Variants in ABI2 observed in about 807,000 individuals in gnomAD.
ABI2 encodes abelson interactor 2.
In ABI2, 25 loss-of-function variants were observed where a neutral mutation model predicts 59.2. The ratio of observed to expected loss-of-function variants is 0.42; its 90% CI spans 0.31 to 0.59. The LOEUF (loss-of-function observed/expected upper bound fraction) is 0.59. ABI2 is among the 20% of genes least tolerant of loss of function. The probability of loss-of-function intolerance (pLI) is 0.14; values close to 1 mark genes in which losing one functional copy is unlikely to be tolerated. For synonymous variants in ABI2, 213 were observed against 235.5 expected (o/e 0.90, Z 0.87); for missense variants, 545 against 681.8 (o/e 0.80, Z 2.23).
intron 1 of ABI2, among the ~76,000 whole-genome samples, chr2:203,350,759 C>T (rs564862399): frequency 7.2e-5 from 11 of 151,782 alleles, no homozygotes; most frequent in African/African-American, 2.4e-4. Flanking sequence ...AGGCTGGTCT[C>T]GAACTCCTGA....
At chr2:203,348,920 TTTTGTTTGTTTG>T (rs377359440) in intron 1 of ABI2, among the ~76,000 whole-genome samples, 3 of 152,054 alleles carry the variant, frequency 2.0e-5, no homozygotes, top group East Asian at 1.9e-4. Context: ...TTTTTTTGTT[TTTTGTTTGTTTG>T]TTTGTTTGTT....
intron 4 of ABI2, among the ~76,000 whole-genome samples, chr2:203,384,829 T>C (rs1014818156): frequency 2.6e-5 from 4 of 151,826 alleles, no homozygotes; most frequent in African/African-American, 9.7e-5. Flanking sequence ...GATTCTTTTT[T>C]TTTTTTCTTT....
chr2:203,365,622 C>CTTTT lies in ABI2; in HGVS notation c.118-1233_118-1230dup, dbSNP rs71007507. Among the ~76,000 whole-genome samples, 110 of 63,910 alleles carry CTTTT rather than the reference C, an allele frequency of 1.7e-3. 1 individual carries two copies. The highest frequency in any genetic ancestry group is 7.9e-3 in the East Asian group (15 of 1,904). 41.9% of individuals were successfully genotyped at this position (63,910 alleles called of 152,430 possible). The stretch of plus-strand genomic sequence containing the variant: ...GCTACGTGTTTTCTGGGGCTGTTAT[C>CTTTT]TTTTTTTTTTTTTTTTTTTTTTTTT... On this transcript the variant is annotated intron_variant, in intron 1 of 11. Transcript: ENST00000261018.
intron 4 of ABI2, among the ~76,000 whole-genome samples, chr2:203,384,646 T>C (rs1048511453): frequency 6.6e-6 from 1 of 151,940 alleles, no homozygotes; most frequent in Non-Finnish European, 1.5e-5. Flanking sequence ...TTTAAGACCC[T>C]GTTACTGAGG....
At chr2:203,420,610 G>A (rs376672899) in intron 11 of ABI2, among the ~76,000 whole-genome samples, 1 of 152,000 alleles carries the variant, frequency 6.6e-6, no homozygotes, top group Non-Finnish European at 1.5e-5. Context: ...AGCCAGGATG[G>A]TCTCAATCTC....
At chr2:203,403,904 A>T (rs773879810) in intron 9 of ABI2, among the ~76,000 whole-genome samples, 3 of 151,460 alleles carry the variant, frequency 2.0e-5, no homozygotes, top group Non-Finnish European at 2.9e-5. Flanking sequence ...GGCACCCACG[A>T]CCACACCCAG....
chr2:203,350,785 G>A (rs543832281), intron 1 of ABI2, among the ~76,000 whole-genome samples: 111 of 151,702 alleles, frequency 7.3e-4, no homozygotes, highest in Middle Eastern at 3.4e-3. Context: ...TGATCCACCC[G>A]CCTCGGCCTC....
intron 1 of ABI2, among the ~76,000 whole-genome samples, chr2:203,343,573 C>T (rs957624117): frequency 6.6e-6 from 1 of 152,098 alleles, no homozygotes; most frequent in African/African-American, 2.4e-5. Flanking sequence ...AAGACATCCT[C>T]CTGCTTGGGC....
intron 2 of ABI2, among the ~76,000 whole-genome samples, chr2:203,378,239 A>G (rs900085802): frequency 2.0e-5 from 3 of 151,932 alleles, no homozygotes; most frequent in African/African-American, 7.2e-5. Flanking sequence ...CAGCCCCCCA[A>G]GTAGCTGGGA....
chr2:203,366,863 GTT>G lies in ABI2; in HGVS notation c.118-7_118-6del, dbSNP rs756558806. 1 of 1,525,140 alleles carries G rather than the reference GTT, an allele frequency of 6.6e-7. No individual in the cohort carries two copies. Among genetic ancestry groups the G allele is most frequent in the Non-Finnish European group, 8.8e-7 (1 of 1,131,064 alleles). The allele number at this position is 1,525,140 out of a possible 1,614,324, so 94.5% of individuals were successfully genotyped here. On this transcript the variant is annotated splice_polypyrimidine_tract_variant and intron_variant, in intron 1 of 11. Transcript: ENST00000261018. ...TTTTTGAATTAATGATCACTGGTTT[GTT>G]TTTTTTCCCAGTCAGCAGATAAGCA...
intron 1 of ABI2, among the ~76,000 whole-genome samples, chr2:203,365,819 C>T (rs1431328994): frequency 2.6e-5 from 4 of 151,420 alleles, no homozygotes; most frequent in Non-Finnish European, 4.4e-5. Flanking sequence ...TTAGTAGAGA[C>T]GGGGTTTCAC....
At position 203,347,166 on chromosome 2, in the gene ABI2, G is replaced by A. The variant is rs369794754; in HGVS notation, c.117+18535G>A. 1.2e-4 allele frequency among the ~76,000 whole-genome samples: 18 copies of A among 152,304 alleles called. 2 individuals carry two copies. Among genetic ancestry groups the A allele is most frequent in the Admixed American group, 6.5e-4 (10 of 15,296 alleles). ...ATTGCATGTCCTAACAGGGTAAGGA[G>A]TGATCATATAGAAAGCAAGGAAGTG... On this transcript the variant is annotated intron_variant, in intron 1 of 11. Transcript: ENST00000261018.
chr2:203,407,824 ATTG>A (rs1320128678), intron 9 of ABI2, among the ~76,000 whole-genome samples: 5 of 152,214 alleles, frequency 3.3e-5, no homozygotes, highest in Non-Finnish European at 5.9e-5. Flanking sequence ...AGAACTGAAT[ATTG>A]CAACAATTCT....
intron 1 of ABI2, chr2:203,342,139 T>C (rs777699107): frequency 8.1e-5 from 36 of 445,790 alleles, no homozygotes; most frequent in Admixed American, 2.0e-4. Context: ...AATGAACTTA[T>C]GACTCACACC....
chr2:203,355,142 GCTT>G (rs2091224039), intron 1 of ABI2: 1 of 373,748 alleles, frequency 2.7e-6, no homozygotes, highest in South Asian at 2.0e-5. Flanking sequence ...TGGATCCCAT[GCTT>G]CTTTCTAGGC....
intron 1 of ABI2, among the ~76,000 whole-genome samples, chr2:203,333,365 AC>A (rs1391834471): frequency 6.6e-6 from 1 of 152,166 alleles, no homozygotes; most frequent in African/African-American, 2.4e-5. Flanking sequence ...CTTTAAAAGA[AC>A]CTTTTAAGGA....
Position 203,427,656 on chromosome 2 carries a change from TC to T in ABI2, c.*305del, listed in dbSNP as rs1220137942. 4.7e-6 allele frequency: 1 copy of T among 213,378 alleles called. No homozygotes were observed. Among genetic ancestry groups the T allele is most frequent in the Admixed American group, 5.2e-5 (1 of 19,130 alleles). The allele number at this position is 213,378 out of a possible 1,614,324, so 13.2% of individuals were successfully genotyped here. ...AAAACAAAATCAGATTAAGACTGATTCAGAAAAATCTGGGATCTTTCTCAGG... is the reference window on the plus strand; with the variant it reads ...AAAACAAAATCAGATTAAGACTGATTAGAAAAATCTGGGATCTTTCTCAGG... On this transcript the variant is annotated 3_prime_UTR_variant, in exon 12 of 12. Coordinates refer to ENST00000261018, the MANE Select transcript of ABI2 (RefSeq NM_001375670.1).
At chr2:203,333,796 TGA>T (rs563775183) in intron 1 of ABI2, among the ~76,000 whole-genome samples, 1 of 152,342 alleles carries the variant, frequency 6.6e-6, no homozygotes, top group South Asian at 2.1e-4. Context: ...GGAACTTAAG[TGA>T]CCTCATAATT....
intron 1 of ABI2, 44 bp downstream of exon 1, chr2:203,328,675 C>CG: frequency 2.2e-6 from 3 of 1,381,988 alleles, no homozygotes. Flanking sequence ...ACCCCCCCGC[C>CG]GGGGGCCGCG....
Sources: gnomAD v4.1 joint callset for allele counts (sites outside exome capture counted in the v4.1 genomes callset) on GRCh38, gnomAD v4.1.1 for gene constraint, MANE v1.5 for transcripts, NCBI Gene and HGNC (gene_info 2026-07-23, HGNC 2026-07-21) for gene names.